The following ANKS1B variants were observed in gnomAD, a reference collection of about 807,000 sequenced individuals.
ANKS1B encodes the protein ankyrin repeat and sterile alpha motif domain containing 1B.
Under a neutral mutation model 148.3 loss-of-function variants are expected in ANKS1B, and 36 were observed. That is an observed-to-expected ratio of 0.24 (90% CI 0.19 to 0.32). ANKS1B has a LOEUF of 0.32. Among genes scored for constraint, ANKS1B ranks in the 10% least tolerant of loss-of-function variants. The pLI, the probability that ANKS1B is intolerant of heterozygous loss-of-function variation, is 1.00. For synonymous variants in ANKS1B, 542 were observed against 560.8 expected, an observed-to-expected ratio of 0.97 and a Z score of 0.47; for missense variants, 1,157 against 1,542.6, an observed-to-expected ratio of 0.75 and a Z score of 4.19.
intron 23 of ANKS1B, chr12:98,781,520 A>G (rs1164344035): frequency 4.2e-6 from 2 of 473,924 alleles, no homozygotes; most frequent in Non-Finnish European, 8.2e-6. Flanking sequence ...GGGTGAATGA[A>G]GAGGTCTGTC....
chr12:99,539,054 T>C (rs758972224), intron 9 of ANKS1B, among the ~76,000 whole-genome samples: 6 of 152,186 alleles, frequency 3.9e-5, no homozygotes, highest in Admixed American at 6.5e-5. Context: ...TTTGTGTACG[T>C]TGAATCATCC....
chr12:99,984,469 G>A lies in ANKS1B; in HGVS notation c.-232C>T. 1 of 419,680 alleles carries A rather than the reference G, an allele frequency of 2.4e-6. No homozygotes were observed. 26.0% of individuals were successfully genotyped at this position (419,680 alleles called of 1,614,324 possible). ...ATGTCTTGAAAGAGGGGCTGGCCGA[G>A]CTGGGAGCCGCGACGCGCCCCCACA... is the stretch of plus-strand genomic sequence containing the variant. On this transcript the variant is annotated 5_prime_UTR_variant, in exon 1 of 27. Transcript: ENST00000683438.
At chr12:99,142,311 T>C (rs2071165912) in intron 15 of ANKS1B, among the ~76,000 whole-genome samples, 1 of 152,046 alleles carries the variant, frequency 6.6e-6, no homozygotes, top group Non-Finnish European at 1.5e-5. Context: ...ATTGAGAGTT[T>C]ATTGGTTGCC....
At chr12:99,485,112 G>T (rs2096470845) in intron 10 of ANKS1B, among the ~76,000 whole-genome samples, 1 of 151,828 alleles carries the variant, frequency 6.6e-6, no homozygotes, top group Non-Finnish European at 1.5e-5. Flanking sequence ...TATAGGCCTT[G>T]TGAGTTTTAA....
chr12:99,537,267 G>A (rs910324581), intron 9 of ANKS1B, among the ~76,000 whole-genome samples: 1 of 151,950 alleles, frequency 6.6e-6, no homozygotes, highest in East Asian at 1.9e-4. Context: ...CTTTTCTTTG[G>A]GTATATATCC....
At chr12:99,427,768 T>TGA (rs1412776468) in intron 11 of ANKS1B, among the ~76,000 whole-genome samples, 9 of 152,174 alleles carry the variant, frequency 5.9e-5, no homozygotes, top group Admixed American at 1.3e-4. Flanking sequence ...AATAAGGGCA[T>TGA]CTCAGTGAAG....
At chr12:99,425,759 C>T (rs567755260) in intron 11 of ANKS1B, among the ~76,000 whole-genome samples, 158 of 151,848 alleles carry the variant, frequency 1.0e-3, no homozygotes, top group African/African-American at 3.6e-3. Context: ...CCATTTTCCT[C>T]TGTGGATGTG....
intron 1 of ANKS1B, among the ~76,000 whole-genome samples, chr12:99,853,315 C>T (rs2088308942): frequency 6.6e-6 from 1 of 152,092 alleles, no homozygotes; most frequent in African/African-American, 2.4e-5. Context: ...CAACCAAGGA[C>T]CCCCATAGAG....
chr12:99,037,973 A>G (rs2099956573), intron 17 of ANKS1B, among the ~76,000 whole-genome samples: 1 of 152,164 alleles, frequency 6.6e-6, no homozygotes, highest in Non-Finnish European at 1.5e-5. Flanking sequence ...GCACACCTCT[A>G]TTCCCCAAAC....
Position 99,727,723 on chromosome 12 carries a change from T to C in ANKS1B, c.1128+45199A>G, listed in dbSNP as rs555965265. On this transcript the variant is annotated intron_variant, in intron 8 of 26. Coordinates refer to ENST00000683438, the MANE Select transcript of ANKS1B (RefSeq NM_001352186.2). ...AAGAACAAAGCAGGAGGCATCACAC[T>C]ACCTGACTTCAAACTATACTACAAG... Among the ~76,000 whole-genome samples the C allele has an allele frequency of 2.6e-4, 39 of 152,284 alleles. No individual in the cohort carries two copies. In the South Asian group the frequency reaches 5.8e-3, roughly 23 times the overall value.
At chr12:98,940,352 G>A (rs185571645) in intron 17 of ANKS1B, among the ~76,000 whole-genome samples, 2 of 152,286 alleles carry the variant, frequency 1.3e-5, no homozygotes, top group Admixed American at 6.5e-5. Context: ...GCACTATTTG[G>A]CCTGTGCTGT....
intron 17 of ANKS1B, among the ~76,000 whole-genome samples, chr12:98,903,954 G>T (rs183165752): frequency 6.0e-4 from 92 of 152,118 alleles, no homozygotes; most frequent in African/African-American, 2.0e-3. Flanking sequence ...TGAAACCTTT[G>T]TAATTACCAC....
chr12:99,139,439 T>TTTC lies in ANKS1B; in HGVS notation c.2526+14849_2526+14850insGAA, dbSNP rs1491097554. Among the ~76,000 whole-genome samples, 15 of 3,520 alleles carry TTTC rather than the reference T, an allele frequency of 4.3e-3. 4 individuals are homozygous for TTTC. The highest frequency in any genetic ancestry group is 0.022 in the African/African-American group (2 of 92). 2.3% of individuals were successfully genotyped at this position (3,520 alleles called of 152,430 possible). ...CTTTCTTTCTTTCTTTCTTTCTTTCTTTTTCTTTCTTTCTTTCTTTCAAGA... is the reference window on the plus strand; with the variant it reads ...CTTTCTTTCTTTCTTTCTTTCTTTCTTTCTTTTCTTTCTTTCTTTCTTTCAAGA... On this transcript the variant is annotated intron_variant, in intron 15 of 26. Coordinates refer to ENST00000683438, the MANE Select transcript of ANKS1B (RefSeq NM_001352186.2).
chr12:99,443,214 G>A (rs760737270), intron 11 of ANKS1B, among the ~76,000 whole-genome samples: 11 of 151,920 alleles, frequency 7.2e-5, no homozygotes, highest in Non-Finnish European at 1.5e-4. Flanking sequence ...AATATTAAAC[G>A]CAGACAATAT....
At chr12:99,363,044 C>G (rs973737607) in intron 12 of ANKS1B, among the ~76,000 whole-genome samples, 2 of 151,902 alleles carry the variant, frequency 1.3e-5, no homozygotes, top group Non-Finnish European at 2.9e-5. Context: ...TTATAGATAT[C>G]CTATTAAATT....
chr12:99,023,765 A>G (rs943688173), intron 17 of ANKS1B, among the ~76,000 whole-genome samples: 1 of 151,076 alleles, frequency 6.6e-6, no homozygotes, highest in Non-Finnish European at 1.5e-5. Context: ...ACATATCTAT[A>G]TACCTCTCTG....
chr12:98,820,184 T>C (rs894512097), intron 19 of ANKS1B, among the ~76,000 whole-genome samples: 1 of 152,230 alleles, frequency 6.6e-6, no homozygotes, highest in Non-Finnish European at 1.5e-5. Context: ...AGAGACAATA[T>C]GGGGTGTTCA....
At chr12:99,922,346 A>T (rs2094378695) in intron 1 of ANKS1B, among the ~76,000 whole-genome samples, 1 of 152,184 alleles carries the variant, frequency 6.6e-6, no homozygotes, top group Non-Finnish European at 1.5e-5. Context: ...TTAAGAGCCA[A>T]AGGATACATA....
chr12:99,804,891 G>A (rs2067394383), intron 4 of ANKS1B, among the ~76,000 whole-genome samples: 1 of 152,160 alleles, frequency 6.6e-6, no homozygotes, highest in Non-Finnish European at 1.5e-5. Flanking sequence ...TGCCATGTGA[G>A]TAAGCCCAGG....
Sources: gnomAD v4.1 joint callset for allele counts (sites outside exome capture counted in the v4.1 genomes callset) on GRCh38, gnomAD v4.1.1 for gene constraint, MANE v1.5 for transcripts, NCBI Gene and HGNC (gene_info 2026-07-23, HGNC 2026-07-21) for gene names.